MYT1L: variants seen among roughly 807,000 people sequenced by gnomAD.
The protein encoded by MYT1L is myelin transcription factor 1 like, also known as myelin transcription factor 1-like protein.
A neutral mutation model predicts 126.7 loss-of-function variants in MYT1L; 12 were observed. That is an observed-to-expected ratio of 0.09 (90% CI 0.06 to 0.15). The LOEUF is 0.15. Among genes scored for constraint, MYT1L ranks in the 10% least tolerant of loss-of-function variants. The pLI is 1.00. For synonymous variants in MYT1L, 541 were observed against 604.2 expected, an observed-to-expected ratio of 0.90 and a Z score of 1.53; for missense variants, 979 against 1,585.2, an observed-to-expected ratio of 0.62 and a Z score of 6.49.
intron 18 of MYT1L, among the ~76,000 whole-genome samples, chr2:1,876,547 A>C (rs1327144002): frequency 6.6e-6 from 1 of 151,412 alleles, no homozygotes; most frequent in Non-Finnish European, 1.5e-5. Context: ...ACCTTTCCCC[A>C]TGGCCCGTGG....
chr2:2,154,647 G>C (rs1325830668), intron 3 of MYT1L, among the ~76,000 whole-genome samples: 2 of 152,172 alleles, frequency 1.3e-5, no homozygotes, highest in African/African-American at 4.8e-5. Context: ...TGAACACATA[G>C]AGAGGAACAA....
At chr2:2,061,440 G>C (rs1450581705) in intron 3 of MYT1L, among the ~76,000 whole-genome samples, 1 of 152,048 alleles carries the variant, frequency 6.6e-6, no homozygotes, top group Non-Finnish European at 1.5e-5. Context: ...TCTAAATATA[G>C]AAATTGAAAC....
chr2:2,106,486 C>T (rs756387054), intron 3 of MYT1L, among the ~76,000 whole-genome samples: 4 of 152,016 alleles, frequency 2.6e-5, no homozygotes, highest in Non-Finnish European at 5.9e-5. Flanking sequence ...GGTGTGGTGG[C>T]GCATGCCTGT....
intron 3 of MYT1L, among the ~76,000 whole-genome samples, chr2:2,061,833 C>T (rs2070550043): frequency 6.6e-6 from 1 of 152,166 alleles, no homozygotes; most frequent in African/African-American, 2.4e-5. Flanking sequence ...TTCTCATCAA[C>T]CTCATACACA....
intron 3 of MYT1L, among the ~76,000 whole-genome samples, chr2:2,172,452 T>C (rs1049354114): frequency 2.6e-5 from 4 of 152,232 alleles, no homozygotes; most frequent in African/African-American, 7.2e-5. Context: ...AAGGACTCTT[T>C]TTGGCATGAA....
chr2:2,213,218 T>C (rs111899570), intron 2 of MYT1L, among the ~76,000 whole-genome samples: 9 of 152,166 alleles, frequency 5.9e-5, no homozygotes, highest in Middle Eastern at 3.4e-3. Context: ...CCCTGAGAGA[T>C]AGAAAACAAA....
At chr2:1,874,876 G>T (rs1259814745) in intron 18 of MYT1L, among the ~76,000 whole-genome samples, 2 of 152,096 alleles carry the variant, frequency 1.3e-5, no homozygotes, top group Non-Finnish European at 1.5e-5. Flanking sequence ...TGACAATCTT[G>T]CCAGCCCCTC....
At chr2:1,971,830 T>G (rs1332173272) in intron 8 of MYT1L, among the ~76,000 whole-genome samples, 2 of 152,046 alleles carry the variant, frequency 1.3e-5, no homozygotes, top group Non-Finnish European at 2.9e-5. Context: ...TGTCTGCAAA[T>G]CCTATGGGTA....
chr2:2,103,182 A>G lies in MYT1L; in HGVS notation c.-303-49059T>C, dbSNP rs147060866. On this transcript the variant is annotated intron_variant, in intron 3 of 24. Coordinates refer to ENST00000647738, the MANE Select transcript of MYT1L (RefSeq NM_001303052.2). ...TCTCTGCACGTGGGTAAAAAAAAAT[A>G]TTCAGCGCTGCAACCATCCAGCAAT... 5.3e-5 allele frequency among the ~76,000 whole-genome samples: 8 copies of G among 152,280 alleles called. No homozygotes were observed. The East Asian group carries it at 1.4e-3, about 26-fold the overall frequency.
chr2:1,896,236 G>A (rs1282681543), intron 14 of MYT1L, among the ~76,000 whole-genome samples: 1 of 152,312 alleles, frequency 6.6e-6, no homozygotes, highest in East Asian at 1.9e-4. Flanking sequence ...TACATTCTTG[G>A]TGGAAATGCA....
At chr2:1,921,356 TTGAA>T (rs1482251730) in intron 10 of MYT1L, among the ~76,000 whole-genome samples, 1 of 152,216 alleles carries the variant, frequency 6.6e-6, no homozygotes, top group Admixed American at 6.5e-5. Context: ...CTGCCTCATA[TTGAA>T]AGTGGACACC....
At chr2:2,260,030 C>T (rs979884047) in intron 2 of MYT1L, among the ~76,000 whole-genome samples, 24 of 152,286 alleles carry the variant, frequency 1.6e-4, no homozygotes, top group Admixed American at 1.5e-3. Context: ...ATTTTACACA[C>T]GTCTTGACAT....
intron 3 of MYT1L, among the ~76,000 whole-genome samples, chr2:2,092,071 T>A (rs532498069): frequency 6.6e-6 from 1 of 152,352 alleles, no homozygotes; most frequent in East Asian, 1.9e-4. Context: ...TTTAATTTCA[T>A]TCAAGAATAT....
At chr2:2,013,104 G>A (rs2064002089) in intron 4 of MYT1L, among the ~76,000 whole-genome samples, 1 of 152,168 alleles carries the variant, frequency 6.6e-6, no homozygotes, top group Non-Finnish European at 1.5e-5. Flanking sequence ...CCACTGAAGT[G>A]TACACTTCCA....
At chr2:2,187,921 A>G (rs1333716547) in intron 2 of MYT1L, among the ~76,000 whole-genome samples, 2 of 152,168 alleles carry the variant, frequency 1.3e-5, no homozygotes, top group Non-Finnish European at 2.9e-5. Flanking sequence ...CTCCATATAT[A>G]TAATAAACAT....
intron 1 of MYT1L, among the ~76,000 whole-genome samples, chr2:2,309,808 T>C (rs17039537): frequency 0.034 from 5,103 of 150,962 alleles, 164 homozygotes; most frequent in South Asian, 0.11. Flanking sequence ...TATGCTCCAC[T>C]TGCACTTCGG....
chr2:1,998,743 T>A (rs905259650), intron 4 of MYT1L, among the ~76,000 whole-genome samples: 3 of 152,182 alleles, frequency 2.0e-5, no homozygotes. Flanking sequence ...CTCCTTTGGA[T>A]ACGATAACTC....
chr2:1,941,240 G>A (rs2056609214), intron 9 of MYT1L, among the ~76,000 whole-genome samples: 2 of 152,178 alleles, frequency 1.3e-5, no homozygotes, highest in South Asian at 2.1e-4. Flanking sequence ...GGCCCCTGGT[G>A]TAAACGATAC....
chr2:1,797,351 G>C (rs1245218429), intron 23 of MYT1L, among the ~76,000 whole-genome samples: 1 of 152,310 alleles, frequency 6.6e-6, no homozygotes, highest in Admixed American at 6.5e-5. Context: ...AGCCTCCCGA[G>C]TACCTGGGAC....
Sources: gnomAD v4.1 joint callset for allele counts (sites outside exome capture counted in the v4.1 genomes callset) on GRCh38, gnomAD v4.1.1 for gene constraint, MANE v1.5 for transcripts, NCBI Gene and HGNC (gene_info 2026-07-23, HGNC 2026-07-21) for gene names.